PDE4D: variants seen among roughly 807,000 people sequenced by gnomAD.
PDE4D encodes 3',5'-cyclic-AMP phosphodiesterase 4D.
Under a neutral mutation model 87.4 loss-of-function variants are expected in PDE4D, and 24 were observed. The observed-to-expected ratio is 0.27, with a 90% CI of 0.20 to 0.39. The LOEUF is 0.39. Among genes scored for constraint, PDE4D ranks in the 10% least tolerant of loss-of-function variants. PDE4D has a pLI of 1.00. For missense variants in PDE4D, 714 were observed against 1,041.0 expected (o/e 0.69, Z 4.32); for synonymous variants, 384 against 383.2 (o/e 1.00, Z -0.02).
intron 3 of PDE4D, among the ~76,000 whole-genome samples, chr5:59,926,426 C>A (rs1203995132): frequency 6.6e-6 from 1 of 151,798 alleles, no homozygotes; most frequent in Non-Finnish European, 1.5e-5. Flanking sequence ...AAACAAAAAA[C>A]CCTAATGATG....
intron 5 of PDE4D, among the ~76,000 whole-genome samples, chr5:59,177,825 G>T (rs867247098): frequency 1.3e-5 from 2 of 152,174 alleles, no homozygotes; most frequent in Admixed American, 6.5e-5. Flanking sequence ...TTGCGAACCT[G>T]TACCTGGGGC....
At chr5:59,659,117 T>A (rs765293973) in intron 1 of PDE4D, among the ~76,000 whole-genome samples, 1 of 152,358 alleles carries the variant, frequency 6.6e-6, no homozygotes. Context: ...ATCCTTATAC[T>A]GGGAAGGGAT....
chr5:59,705,790 T>G (rs1448205897), intron 1 of PDE4D, among the ~76,000 whole-genome samples: 2 of 152,174 alleles, frequency 1.3e-5, no homozygotes, highest in African/African-American at 4.8e-5. Context: ...GGAATCATGC[T>G]TGACATAGTA....
chr5:60,140,271 G>T (rs1780414796), intron 2 of PDE4D, among the ~76,000 whole-genome samples: 1 of 151,706 alleles, frequency 6.6e-6, no homozygotes, highest in Non-Finnish European at 1.5e-5. Context: ...AAATAAATTT[G>T]GGAAATGTGT....
chr5:59,981,127 C>T (rs1446405237), intron 3 of PDE4D, among the ~76,000 whole-genome samples: 2 of 152,122 alleles, frequency 1.3e-5, no homozygotes, highest in African/African-American at 2.4e-5. Context: ...TGGGACATGC[C>T]TGTCGTCTCA....
intron 1 of PDE4D, among the ~76,000 whole-genome samples, chr5:60,206,856 C>T (rs1434915944): frequency 1.3e-5 from 2 of 152,166 alleles, no homozygotes; most frequent in Non-Finnish European, 2.9e-5. Flanking sequence ...TCTTTAAGCA[C>T]TTACAATCTT....
intron 1 of PDE4D, among the ~76,000 whole-genome samples, chr5:60,292,342 T>C (rs1041059948): frequency 1.3e-5 from 2 of 152,210 alleles, no homozygotes; most frequent in African/African-American, 4.8e-5. Context: ...TACACACTAT[T>C]CATTTAAACA....
chr5:59,365,906 A>C (rs990077335), intron 1 of PDE4D, among the ~76,000 whole-genome samples: 11 of 152,234 alleles, frequency 7.2e-5, no homozygotes, highest in African/African-American at 2.7e-4. Context: ...AGCATGCCTT[A>C]GTAGGGCAAT....
At chr5:60,465,363 T>C (rs1747270110) in intron 1 of PDE4D, among the ~76,000 whole-genome samples, 1 of 152,150 alleles carries the variant, frequency 6.6e-6, no homozygotes, top group Non-Finnish European at 1.5e-5. Flanking sequence ...AAGTCAAGAC[T>C]TCCTTAAAAC....
intron 1 of PDE4D, among the ~76,000 whole-genome samples, chr5:60,299,119 G>C (rs551529984): frequency 1.3e-5 from 2 of 151,944 alleles, no homozygotes; most frequent in East Asian, 1.9e-4. Flanking sequence ...GTAAAATTAG[G>C]TTTTTTTTCA....
intron 1 of PDE4D, among the ~76,000 whole-genome samples, chr5:59,476,748 C>T (rs905656140): frequency 1.7e-4 from 26 of 152,022 alleles, no homozygotes; most frequent in African/African-American, 5.3e-4. Context: ...ATGTCCATCT[C>T]CTCCCATCCC....
At chr5:59,078,807 A>T (rs1766159181) in intron 5 of PDE4D, among the ~76,000 whole-genome samples, 1 of 152,076 alleles carries the variant, frequency 6.6e-6, no homozygotes, top group South Asian at 2.1e-4. Context: ...GAGCCACCAC[A>T]TCCAGCAAGA....
intron 1 of PDE4D, among the ~76,000 whole-genome samples, chr5:59,699,847 T>G (rs2150445033): frequency 6.6e-6 from 1 of 152,328 alleles, no homozygotes; most frequent in East Asian, 1.9e-4. Context: ...GCCAATTAAG[T>G]ATCAGTATAT....
chr5:59,163,107 CT>C (rs534025246), intron 5 of PDE4D, among the ~76,000 whole-genome samples: 9,782 of 129,776 alleles, frequency 0.075, 452 homozygotes, highest in African/African-American at 0.14. Flanking sequence ...TGCCTGGCTA[CT>C]TTTTTTTTTT....
intron 1 of PDE4D, among the ~76,000 whole-genome samples, chr5:59,509,647 G>C (rs1809921076): frequency 6.6e-6 from 1 of 150,756 alleles, no homozygotes; most frequent in African/African-American, 2.4e-5. Flanking sequence ...ATTTTTTAGG[G>C]TTATTATTAA....
chr5:59,620,496 C>T (rs1423763473), intron 1 of PDE4D, among the ~76,000 whole-genome samples: 2 of 152,096 alleles, frequency 1.3e-5, no homozygotes, highest in African/African-American at 2.4e-5. Context: ...TTGGTTGGAG[C>T]AGTTCTGGCT....
At chr5:59,450,140 A>G (rs545655610) in intron 1 of PDE4D, among the ~76,000 whole-genome samples, 5 of 152,358 alleles carry the variant, frequency 3.3e-5, no homozygotes, top group Admixed American at 2.6e-4. Context: ...GACTATGTAA[A>G]TGATCGCCTT....
rs1046013019 is a variant in PDE4D at position 59,206,644 on chromosome 5, C to G, written c.647+9133G>C. 3.2e-4 allele frequency among the ~76,000 whole-genome samples: 48 copies of G among 152,180 alleles called. 1 individual carries two copies. ...TAAAAATTAAATAAAGACAAGAATG[C>G]ATGCTCCAAACAATTTTTTTGTCTT... On this transcript the variant is annotated intron_variant, in intron 2 of 14. Coordinates refer to ENST00000340635, the MANE Select transcript of PDE4D (RefSeq NM_001104631.2).
At chr5:59,380,388 C>CAAAA (rs10574102) in intron 1 of PDE4D, among the ~76,000 whole-genome samples, 8,009 of 108,178 alleles carry the variant, frequency 0.074, 337 homozygotes, top group Middle Eastern at 0.11. Context: ...CAAAAGCAAT[C>CAAAA]AAAAAAAAAA....
Sources: allele counts gnomAD v4.1 joint callset (sites outside exome capture counted in the v4.1 genomes callset), GRCh38; gene constraint gnomAD v4.1.1; transcripts MANE v1.5; gene names NCBI Gene and HGNC (gene_info 2026-07-23, HGNC 2026-07-21).